AFAP1L1: variants seen among roughly 807,000 people sequenced by gnomAD.
AFAP1L1 encodes actin filament associated protein 1 like 1.
AFAP1L1 carries 77 observed loss-of-function variants against 99.8 expected under a neutral mutation model. The ratio of observed to expected loss-of-function variants is 0.77; its 90% CI spans 0.64 to 0.93. The LOEUF is 0.93. Ranked by LOEUF, AFAP1L1 falls within the 40% of genes least tolerant of loss-of-function variation. AFAP1L1 has a pLI of 0.00. For missense variants in AFAP1L1, 893 were observed against 996.8 expected, an observed-to-expected ratio of 0.90 and a Z score of 1.40; for synonymous variants, 373 against 395.3, an observed-to-expected ratio of 0.94 and a Z score of 0.67.
At chr5:149,311,954 A>G (rs982908111) in intron 8 of AFAP1L1, among the ~76,000 whole-genome samples, 158 bp from the exon 9 acceptor site, 1 of 152,180 alleles carries the variant, frequency 6.6e-6, no homozygotes, top group South Asian at 2.1e-4. Flanking sequence ...TTACAAACCC[A>G]TGTGCCCCAC....
In AFAP1L1 at chr5:149,301,412, CTG is replaced by C. The variant is rs1313270686; in HGVS notation, c.327+188_327+189del. Among the ~76,000 whole-genome samples, 4 of 152,276 alleles carry C rather than the reference CTG, an allele frequency of 2.6e-5. No individual in the cohort carries two copies. The East Asian group carries it at 7.7e-4, about 29-fold the overall frequency. On this transcript the variant is annotated intron_variant, in intron 4 of 18. Transcript: ENST00000296721. ...ATTTCAATGGCCCGTGATGTGCTCGCTGTGTGTTTTTTTTCTTATTTATTTTT... is the reference window on the plus strand; with the variant it reads ...ATTTCAATGGCCCGTGATGTGCTCGCTGTGTTTTTTTTCTTATTTATTTTT...
intron 9 of AFAP1L1, 197 bp downstream of exon 9, chr5:149,312,401 A>G (rs779994531): frequency 6.1e-6 from 4 of 650,960 alleles, no homozygotes; most frequent in Non-Finnish European, 1.1e-5. Context: ...ACGAGTGCTT[A>G]TGCCCAAAGT....
intron 9 of AFAP1L1, among the ~76,000 whole-genome samples, chr5:149,314,135 G>T (rs921170674): frequency 6.6e-6 from 1 of 152,192 alleles, no homozygotes; most frequent in African/African-American, 2.4e-5. Flanking sequence ...AGAAGCAAAG[G>T]TATGGGATGA....
Position 149,310,117 on chromosome 5 carries a change from G to A in AFAP1L1, c.909G>A (p.Gln303=), listed in dbSNP as rs890715438. ...TGCTGGCACTGCAGAGCCGAGAGCA[G>A]GCCGAGGAGTGGCTGAAGGTGCGTG... The part of the protein sequence containing the change: ...VLVLALQSRE[Q]AEEWLKVIRE... The change falls in exon 8 of 19, where the codon CAG becomes CAA. Residue 303 remains glutamine (Q), a synonymous_variant. Coordinates refer to ENST00000296721, the MANE Select transcript of AFAP1L1 (RefSeq NM_152406.4). 6.2e-7 allele frequency: 1 copy of A among 1,605,072 alleles called. No homozygotes were observed. The highest frequency in any genetic ancestry group is 1.3e-5 in the African/African-American group (1 of 74,760).
Position 149,319,809 on chromosome 5 carries a change from C to T in AFAP1L1, c.1625+82C>T, listed in dbSNP as rs951119211. ...CTCAGAGGCTGAGTCCAGCCCTGGGCACTGGGAGGGAAGGGAGGAGCTAAG... is the reference window on the plus strand; with the variant it reads ...CTCAGAGGCTGAGTCCAGCCCTGGGTACTGGGAGGGAAGGGAGGAGCTAAG... On this transcript the variant is annotated intron_variant, in intron 13 of 18. Transcript: ENST00000296721. 1.3e-5 allele frequency: 20 copies of T among 1,547,966 alleles called. No individual in the cohort carries two copies. In the African/African-American group the frequency reaches 1.5e-4, roughly 12 times the overall value.
In AFAP1L1 at chr5:149,302,410, C is replaced by G; in HGVS notation, c.328-8C>G. ...GCTCCCCTAGCCCTCTTTTTTGTCC[C>G]CTTGCAGGCGGCCGACCTGCCTCCA... On this transcript the variant is annotated splice_polypyrimidine_tract_variant and splice_region_variant and intron_variant, in intron 4 of 18. Coordinates refer to ENST00000296721, the MANE Select transcript of AFAP1L1 (RefSeq NM_152406.4). 1.3e-6 allele frequency: 2 copies of G among 1,567,360 alleles called. No individual in the cohort carries two copies. The highest frequency in any genetic ancestry group is 1.4e-5 in the African/African-American group (1 of 74,008).
chr5:149,281,293 A>G (rs1581287587), intron 1 of AFAP1L1, among the ~76,000 whole-genome samples: 1 of 152,166 alleles, frequency 6.6e-6, no homozygotes, highest in Non-Finnish European at 1.5e-5. Flanking sequence ...GGCCCTATGA[A>G]GTAGATAGCA....
At chr5:149,279,503 A>G (rs1755446936) in intron 1 of AFAP1L1, among the ~76,000 whole-genome samples, 1 of 151,282 alleles carries the variant, frequency 6.6e-6, no homozygotes, top group South Asian at 2.1e-4. Flanking sequence ...TTAAATGTAC[A>G]GTACATTATA....
At chr5:149,272,074 A>C in intron 1 of AFAP1L1, 90 bp downstream of exon 1, 5 of 775,030 alleles carry the variant, frequency 6.5e-6, no homozygotes, top group Non-Finnish European at 8.3e-6. Flanking sequence ...GGAGGGAGAG[A>C]GGCGGGCGGT....
chr5:149,289,104 CCTT>C (rs1489299439), intron 1 of AFAP1L1, among the ~76,000 whole-genome samples: 1 of 152,190 alleles, frequency 6.6e-6, no homozygotes, highest in African/African-American at 2.4e-5. Context: ...TTTCTAAGCC[CCTT>C]CTTACAGAAG....
rs1244964613 is a variant in AFAP1L1, at chr5:149,312,801, GAA to G, written c.1020+600_1020+601del. ...GAGACCCTGTCTCAGAAAAAAGAAA[GAA>G]AAGAGAGAGAGAGAAAGAAAGAAAG... On this transcript the variant is annotated intron_variant, in intron 9 of 18. Coordinates refer to ENST00000296721, the MANE Select transcript of AFAP1L1 (RefSeq NM_152406.4). Among the ~76,000 whole-genome samples the G allele has an allele frequency of 4.0e-5, 6 of 149,832 alleles. 1 individual carries two copies. The highest frequency in any genetic ancestry group is 4.2e-4 in the South Asian group (2 of 4,712).
chr5:149,323,201 G>A (rs1757004062), intron 15 of AFAP1L1, among the ~76,000 whole-genome samples: 2 of 152,178 alleles, frequency 1.3e-5, no homozygotes, highest in Non-Finnish European at 2.9e-5. Flanking sequence ...TGTTTCAGAG[G>A]CTAACAATTT....
At chr5:149,338,897 AG>A (rs1170270481) in intron 18 of AFAP1L1, among the ~76,000 whole-genome samples, 5 of 152,192 alleles carry the variant, frequency 3.3e-5, no homozygotes, top group Non-Finnish European at 7.3e-5. Flanking sequence ...AGTGGGAAAA[AG>A]CTTGGCATGT....
At chr5:149,306,513 C>T (rs1756419488) in intron 6 of AFAP1L1, 109 bp downstream of exon 6, 4 of 1,024,622 alleles carry the variant, frequency 3.9e-6, no homozygotes, top group Non-Finnish European at 4.3e-6. Flanking sequence ...CTCACCCAGA[C>T]CATGGTCACT....
chr5:149,310,113 A>G lies in AFAP1L1; in HGVS notation c.905A>G (p.Glu302Gly), dbSNP rs536630154. ...EVLVLALQSR[E>G]QAEEWLKVIR... ...TTGGTGCTGGCACTGCAGAGCCGAG[A>G]GCAGGCCGAGGAGTGGCTGAAGGTG... The change falls in exon 8 of 19, where the codon GAG (glutamate) becomes GGG (glycine). Residue 302 changes from glutamate to glycine, a missense_variant. Transcript: ENST00000296721. The G allele has an allele frequency of 1.2e-6, 2 of 1,608,466 alleles. No individual in the cohort carries two copies. Among genetic ancestry groups the G allele is most frequent in the South Asian group, 2.2e-5 (2 of 90,400 alleles).
chr5:149,289,788 G>A (rs534575416), intron 1 of AFAP1L1, among the ~76,000 whole-genome samples: 3 of 152,324 alleles, frequency 2.0e-5, no homozygotes, highest in Non-Finnish European at 4.4e-5. Context: ...GCTGGTGACC[G>A]CTCTGCGGAG....
intron 18 of AFAP1L1, among the ~76,000 whole-genome samples, chr5:149,338,296 C>T (rs1404403343): frequency 2.0e-5 from 3 of 152,082 alleles, no homozygotes; most frequent in East Asian, 1.9e-4. Flanking sequence ...CCTGTGTCTA[C>T]AAAAACTACA....
At chr5:149,323,599 A>T (rs1757016203) in intron 15 of AFAP1L1, among the ~76,000 whole-genome samples, 1 of 152,198 alleles carries the variant, frequency 6.6e-6, no homozygotes, top group Non-Finnish European at 1.5e-5. Context: ...ACCTATTTTT[A>T]AAAAATACTT....
chr5:149,325,500 G>T (rs1400194992), intron 15 of AFAP1L1, among the ~76,000 whole-genome samples: 1 of 152,192 alleles, frequency 6.6e-6, no homozygotes, highest in Non-Finnish European at 1.5e-5. Context: ...GCCCCAGGTA[G>T]GGTAAGCCAA....
Sources: allele counts gnomAD v4.1 joint callset (sites outside exome capture counted in the v4.1 genomes callset), GRCh38; gene constraint gnomAD v4.1.1; transcripts MANE v1.5; gene names NCBI Gene and HGNC (gene_info 2026-07-23, HGNC 2026-07-21).